The following GFPT1 variants were observed in gnomAD, a reference collection of about 807,000 sequenced individuals.
The protein encoded by GFPT1 is glutamine--fructose-6-phosphate transaminase 1, also known as glutamine--fructose-6-phosphate aminotransferase [isomerizing] 1.
In GFPT1, 40 loss-of-function variants were observed where a neutral mutation model predicts 92.0. The observed-to-expected ratio is 0.43, with a 90% CI of 0.34 to 0.57. The LOEUF (loss-of-function observed/expected upper bound fraction) is 0.57, where lower values mean the gene tolerates loss of function less well. GFPT1 is among the 20% of genes least tolerant of loss of function. The pLI is 0.02. For synonymous variants in GFPT1, 269 were observed against 280.6 expected, an observed-to-expected ratio of 0.96 and a Z score of 0.41; for missense variants, 448 against 869.1, an observed-to-expected ratio of 0.52 and a Z score of 6.09.
At chr2:69,365,149 C>CCAGATAACAAA (rs1183195099) in intron 3 of GFPT1, among the ~76,000 whole-genome samples, 1 of 151,830 alleles carries the variant, frequency 6.6e-6, no homozygotes, top group African/African-American at 2.4e-5. Flanking sequence ...GGCTAAGAAC[C>CCAGATAACAAA]CAGATAACAA....
intron 12 of GFPT1, 24 bp downstream of exon 12, chr2:69,345,880 A>G: frequency 8.1e-7 from 1 of 1,239,174 alleles, no homozygotes; most frequent in Non-Finnish European, 1.2e-6. Context: ...CACTGAAATA[A>G]TAAAATAATT....
intron 6 of GFPT1, among the ~76,000 whole-genome samples, chr2:69,357,384 C>T (rs1288909807): frequency 6.6e-6 from 1 of 152,128 alleles, no homozygotes; most frequent in Non-Finnish European, 1.5e-5. Flanking sequence ...AGGGACAGAG[C>T]TTACAGGAAT....
intron 12 of GFPT1, among the ~76,000 whole-genome samples, chr2:69,343,831 T>A (rs537850297): frequency 6.6e-6 from 1 of 152,350 alleles, no homozygotes; most frequent in East Asian, 1.9e-4. Flanking sequence ...AAAGAAGGTA[T>A]GTTTCTCTAT....
intron 2 of GFPT1, among the ~76,000 whole-genome samples, chr2:69,372,621 A>G (rs1409630202): frequency 6.6e-6 from 1 of 152,196 alleles, no homozygotes; most frequent in Non-Finnish European, 1.5e-5. Context: ...TGTAAGTAGA[A>G]GAAAGGAGCC....
intron 15 of GFPT1, among the ~76,000 whole-genome samples, chr2:69,334,877 T>C (rs932701607): frequency 6.6e-6 from 1 of 152,192 alleles, no homozygotes; most frequent in Non-Finnish European, 1.5e-5. Context: ...ATATTTCAGG[T>C]GATCATCTTC....
intron 1 of GFPT1, among the ~76,000 whole-genome samples, chr2:69,375,410 G>A (rs372974616): frequency 2.0e-5 from 3 of 152,122 alleles, no homozygotes; most frequent in South Asian, 4.1e-4. Flanking sequence ...AAATATTTCA[G>A]TATACAAAAA....
intron 13 of GFPT1, among the ~76,000 whole-genome samples, chr2:69,338,886 G>A (rs1042644920): frequency 4.2e-5 from 6 of 143,438 alleles, no homozygotes; most frequent in African/African-American, 1.3e-4. Context: ...CGTAACCTCC[G>A]CCTCCCGGGT....
intron 1 of GFPT1, among the ~76,000 whole-genome samples, chr2:69,381,863 CT>C (rs200800795): frequency 1.0e-3 from 144 of 142,950 alleles, no homozygotes; most frequent in Middle Eastern, 3.5e-3. Context: ...ACTTATAACT[CT>C]TTTTTTTTTT....
chr2:69,354,656 A>C (rs1159318881), intron 7 of GFPT1, 88 bp from the exon 8 acceptor site: 2 of 794,174 alleles, frequency 2.5e-6, no homozygotes, highest in East Asian at 2.5e-5. Flanking sequence ...TACTCTTCAA[A>C]TGTTTAAATC....
intron 12 of GFPT1, among the ~76,000 whole-genome samples, chr2:69,344,573 T>A (rs1236400625): frequency 6.6e-6 from 1 of 152,008 alleles, no homozygotes; most frequent in African/African-American, 2.4e-5. Flanking sequence ...AATCTCCTCA[T>A]CCTAACAACA....
chr2:69,367,777 A>G (rs1194388540), intron 3 of GFPT1, among the ~76,000 whole-genome samples: 1 of 152,216 alleles, frequency 6.6e-6, no homozygotes, highest in African/African-American at 2.4e-5. Flanking sequence ...TCCTTCAAGT[A>G]TATATCCAAG....
intron 1 of GFPT1, among the ~76,000 whole-genome samples, chr2:69,377,310 C>T (rs1354001896): frequency 6.6e-6 from 1 of 151,616 alleles, no homozygotes; most frequent in African/African-American, 2.4e-5. Context: ...ACTTCTAACT[C>T]CAATCTCCTT....
intron 11 of GFPT1, among the ~76,000 whole-genome samples, chr2:69,346,468 G>A (rs997304624): frequency 1.3e-5 from 2 of 152,094 alleles, no homozygotes; most frequent in African/African-American, 4.8e-5. Context: ...TCGAACTCCT[G>A]ACCTCATGAT....
chr2:69,347,735 G>A (rs143336699), intron 11 of GFPT1, among the ~76,000 whole-genome samples: 1,792 of 151,458 alleles, frequency 0.012, 33 homozygotes, highest in African/African-American at 0.041. Flanking sequence ...TGCCCACCTC[G>A]GCCTCCCAAA....
chr2:69,353,162 G>A (rs1671253497), intron 9 of GFPT1, among the ~76,000 whole-genome samples: 1 of 152,212 alleles, frequency 6.6e-6, no homozygotes, highest in African/African-American at 2.4e-5. Context: ...TTGGGAGGCT[G>A]AGGCAGGTGG....
At chr2:69,338,708 T>TG in intron 13 of GFPT1, 143 bp from the exon 14 acceptor site, 1 of 630,612 alleles carries the variant, frequency 1.6e-6, no homozygotes, top group Non-Finnish European at 2.5e-6. Context: ...GATTAAAATA[T>TG]TTAAAAAAAA....
chr2:69,385,941 C>T (rs1362949389), intron 1 of GFPT1, among the ~76,000 whole-genome samples: 2 of 151,588 alleles, frequency 1.3e-5, no homozygotes, highest in Admixed American at 1.3e-4. Flanking sequence ...GTACAATCCA[C>T]CTCCTGTTCA....
rs773850508 is a variant in GFPT1 at position 69,356,512 on chromosome 2, G to C, written c.589C>G (p.Gln197Glu). Residue 197 changes from glutamine to glutamate, a missense_variant, in exon 7 of 20, where the codon CAA becomes GAA. Physicochemically the swap from Gln to Glu is conservative, Grantham distance 29. Around this residue, in one of 7 missense-constraint regions of GFPT1, gnomAD observed 118 missense variants for 192.9 expected, o/e 0.61. Coordinates refer to ENST00000357308, the MANE Select transcript of GFPT1 (RefSeq NM_001244710.2). ...TATATGTACCTTGTGCCAACTGCTT[G>C]CCCGGGAAAATGAACACTTTTAAAC... Reference protein sequence around the residue: ...LVFKSVHFPGQAVGTRRGSPL... With the variant: ...LVFKSVHFPGEAVGTRRGSPL... 6.8e-6 allele frequency: 11 copies of C among 1,612,650 alleles called. No homozygotes were observed. Among genetic ancestry groups the C allele is most frequent in the Non-Finnish European group, 8.5e-6 (10 of 1,178,748 alleles).
chr2:69,342,359 A>C lies in GFPT1; in HGVS notation c.1106-110T>G. 4.0e-6 allele frequency: 3 copies of C among 749,454 alleles called. No homozygotes were observed. In the South Asian group the frequency reaches 4.4e-5, roughly 11 times the overall value. The allele number at this position is 749,454 out of a possible 1,614,324, so 46.4% of individuals were successfully genotyped here. A position where few individuals can be genotyped will look rare whatever the true frequency, so the allele number is the denominator to read the frequency against. ...TATGAGGAAGAATACTGCTGTTTTA[A>C]AGAATTAATATTCCTCTTGGAAAGC... On this transcript the variant is annotated intron_variant, in intron 12 of 19. Transcript: ENST00000357308.
Sources: gnomAD v4.1 joint callset for allele counts (sites outside exome capture counted in the v4.1 genomes callset) on GRCh38, gnomAD v4.1.1 for gene constraint, gnomAD v4.1.1 regional missense constraint, MANE v1.5 for transcripts, NCBI Gene and HGNC (gene_info 2026-07-23, HGNC 2026-07-21) for gene names.